The following TRIO variants were observed in gnomAD, a reference collection of about 807,000 sequenced individuals.
TRIO encodes the protein trio Rho guanine nucleotide exchange factor.
TRIO carries 58 observed loss-of-function variants against 351.9 expected under a neutral mutation model. The ratio of observed to expected loss-of-function variants is 0.16; its 90% CI spans 0.13 to 0.21. The LOEUF (loss-of-function observed/expected upper bound fraction) is 0.21. TRIO is among the 10% of genes least tolerant of loss of function. The pLI, the probability that TRIO is intolerant of heterozygous loss-of-function variation, is 1.00. For synonymous variants in TRIO, 1,758 were observed against 1,595.7 expected, an observed-to-expected ratio of 1.10 and a Z score of -2.42; for missense variants, 3,201 against 4,027.8, an observed-to-expected ratio of 0.79 and a Z score of 5.56.
intron 38 of TRIO, 142 bp from the exon 39 acceptor site, chr5:14,472,450 C>A: frequency 1.1e-6 from 1 of 878,566 alleles, no homozygotes; most frequent in Non-Finnish European, 1.7e-6. Flanking sequence ...ATTTGGGACT[C>A]TCCAGAATTT....
chr5:14,296,972 T>G (rs936354101), intron 6 of TRIO, 100 bp from the exon 7 acceptor site: 1 of 971,796 alleles, frequency 1.0e-6, no homozygotes, highest in Non-Finnish European at 1.5e-6. Context: ...GTGATCACTG[T>G]TAGAAGCCTG....
At chr5:14,192,842 G>A (rs26058) in intron 1 of TRIO, among the ~76,000 whole-genome samples, 117,231 of 152,202 alleles carry the variant, frequency 0.77, 46,651 homozygotes, top group East Asian at 0.99. Flanking sequence ...TGTGGTGTCT[G>A]TTAATTTTTA....
chr5:14,242,109 A>G (rs1561241948), intron 1 of TRIO, among the ~76,000 whole-genome samples: 1 of 152,212 alleles, frequency 6.6e-6, no homozygotes, highest in Non-Finnish European at 1.5e-5. Flanking sequence ...AGATATGGAA[A>G]AGTTAAATAA....
In TRIO at chr5:14,379,282, C is replaced by T. The variant is rs1382135161; in HGVS notation, c.3447+1155C>T. ...CTTGCAACCTCATATGCAGCTGATCCAGAGCAGGCATTGGATACATGCTTT... is the reference window on the plus strand; with the variant it reads ...CTTGCAACCTCATATGCAGCTGATCTAGAGCAGGCATTGGATACATGCTTT... On this transcript the variant is annotated intron_variant, in intron 20 of 56. Transcript: ENST00000344204. Among the ~76,000 whole-genome samples the T allele has an allele frequency of 2.0e-5, 3 of 152,332 alleles. No homozygotes were observed. In the East Asian group the frequency reaches 5.8e-4, roughly 29 times the overall value.
At chr5:14,383,918 C>T (rs1746328288) in intron 21 of TRIO, among the ~76,000 whole-genome samples, 1 of 152,154 alleles carries the variant, frequency 6.6e-6, no homozygotes. Context: ...TCTTTCAGTG[C>T]ACTTGTTACA....
intron 1 of TRIO, among the ~76,000 whole-genome samples, chr5:14,215,255 A>G (rs1049705483): frequency 6.6e-6 from 1 of 152,224 alleles, no homozygotes; most frequent in African/African-American, 2.4e-5. Flanking sequence ...GATGCTAATT[A>G]AGAGATGGTT....
chr5:14,386,823 A>C (rs1392963044), intron 21 of TRIO, among the ~76,000 whole-genome samples: 1 of 151,768 alleles, frequency 6.6e-6, no homozygotes, highest in East Asian at 1.9e-4. Flanking sequence ...AAACAGGGAA[A>C]CAAAATTTAC....
rs1434353963 is a variant in TRIO at position 14,491,500 on chromosome 5, T to C, written c.7633-1067T>C. On this transcript the variant is annotated intron_variant, in intron 48 of 56. Transcript: ENST00000344204. ...CTTGATAGAGGGGACTTGGGCAAGA[T>C]GCAGCTTCAGGCGTTGGCAGGGGAT... Among the ~76,000 whole-genome samples the C allele has an allele frequency of 2.0e-5, 3 of 152,208 alleles. No homozygotes were observed. The East Asian group carries it at 5.8e-4, about 29-fold the overall frequency.
At chr5:14,454,805 C>CGTG (rs1450034610) in intron 34 of TRIO, among the ~76,000 whole-genome samples, 1 of 152,150 alleles carries the variant, frequency 6.6e-6, no homozygotes, top group Non-Finnish European at 1.5e-5. Context: ...AGAATGAAGC[C>CGTG]GTGGATCTTC....
rs532300909 is a variant in TRIO, at chr5:14,216,219, T to A, written c.158-54606T>A. Among the ~76,000 whole-genome samples, 4 of 152,320 alleles carry A rather than the reference T, an allele frequency of 2.6e-5. No individual in the cohort carries two copies. The East Asian group carries it at 7.7e-4, about 29-fold the overall frequency. Reference sequence around the variant, plus strand: ...TCCATAAGTTCAAGAGTTCTTTGAGTCTGCCCATAGCACTAGCTTTTTGAT... The same window carrying A: ...TCCATAAGTTCAAGAGTTCTTTGAGACTGCCCATAGCACTAGCTTTTTGAT... On this transcript the variant is annotated intron_variant, in intron 1 of 56. Transcript: ENST00000344204.
intron 34 of TRIO, among the ~76,000 whole-genome samples, chr5:14,458,147 G>A (rs1315930481): frequency 4.0e-5 from 6 of 151,278 alleles, no homozygotes; most frequent in Non-Finnish European, 7.4e-5. Context: ...ACCTCCCCAC[G>A]GGCCACACTC....
At chr5:14,460,407 G>A (rs564078167) in intron 34 of TRIO, among the ~76,000 whole-genome samples, 20 of 151,980 alleles carry the variant, frequency 1.3e-4, no homozygotes, top group Admixed American at 9.2e-4. Flanking sequence ...TCCAGTCGCC[G>A]GCTTTGTCCT....
At chr5:14,379,121 G>T (rs1745835751) in intron 20 of TRIO, among the ~76,000 whole-genome samples, 1 of 152,142 alleles carries the variant, frequency 6.6e-6, no homozygotes, top group African/African-American at 2.4e-5. Context: ...GCACAGGGGA[G>T]AAGGTGATTC....
chr5:14,184,244 GTT>G (rs1554028715), intron 1 of TRIO, among the ~76,000 whole-genome samples: 4 of 152,102 alleles, frequency 2.6e-5, no homozygotes, highest in Non-Finnish European at 5.9e-5. Flanking sequence ...CAGCAGTTCT[GTT>G]TTGAGAGCCG....
chr5:14,409,230 C>T (rs1748976686), intron 33 of TRIO, among the ~76,000 whole-genome samples: 1 of 152,144 alleles, frequency 6.6e-6, no homozygotes, highest in Admixed American at 6.5e-5. Flanking sequence ...AAGTCTCTAT[C>T]CTGGAGTTAG....
At chr5:14,321,301 G>A (rs1739857139) in intron 9 of TRIO, among the ~76,000 whole-genome samples, 1 of 152,238 alleles carries the variant, frequency 6.6e-6, no homozygotes, top group Non-Finnish European at 1.5e-5. Context: ...GGATGGAGAG[G>A]TATGAGGTGG....
At chr5:14,294,914 A>G (rs1737212659) in intron 6 of TRIO, among the ~76,000 whole-genome samples, 2 of 152,176 alleles carry the variant, frequency 1.3e-5, no homozygotes, top group African/African-American at 2.4e-5. Flanking sequence ...TATGAGTTAC[A>G]GCTATTTTTT....
intron 53 of TRIO, 77 bp from the exon 54 acceptor site, chr5:14,502,502 A>T: frequency 6.9e-7 from 1 of 1,455,342 alleles, no homozygotes; most frequent in Non-Finnish European, 9.6e-7. Flanking sequence ...GCTGTGAGGG[A>T]CAGTGCGTGG....
chr5:14,192,362 T>G (rs1166072421), intron 1 of TRIO, among the ~76,000 whole-genome samples: 1 of 151,890 alleles, frequency 6.6e-6, no homozygotes, highest in African/African-American at 2.4e-5. Context: ...TGGGCTTAAG[T>G]GATCCTCCCA....
Sources: gnomAD v4.1 joint callset for allele counts (sites outside exome capture counted in the v4.1 genomes callset) on GRCh38, gnomAD v4.1.1 for gene constraint, MANE v1.5 for transcripts, NCBI Gene and HGNC (gene_info 2026-07-23, HGNC 2026-07-21) for gene names.